The following SMC6 variants were observed in gnomAD, a reference collection of about 807,000 sequenced individuals.
SMC6 encodes structural maintenance of chromosomes 6, also known as structural maintenance of chromosomes protein 6.
Under a neutral mutation model 142.2 loss-of-function variants are expected in SMC6, and 79 were observed. The observed-to-expected ratio is 0.56, with a 90% CI of 0.46 to 0.67. The LOEUF is 0.67. Among genes scored for constraint, SMC6 ranks in the 30% least tolerant of loss-of-function variants. The pLI is 0.00. For synonymous variants in SMC6, 411 were observed against 412.4 expected (o/e 1.00, Z 0.04); for missense variants, 1,072 against 1,284.0 (o/e 0.83, Z 2.52).
rs1266757364 is a variant in SMC6 at position 17,753,775 on chromosome 2, T to G, written c.-242A>C. 2 of 152,148 alleles carry G rather than the reference T, an allele frequency of 1.3e-5. No homozygotes were observed. The highest frequency in any genetic ancestry group is 2.4e-5 in the African/African-American group (1 of 41,454). The allele number at this position is 152,148 out of a possible 1,614,324, so 9.4% of individuals were successfully genotyped here. ...CGTGCCGGCCGCAGGAGAAGGTAGA[T>G]TCCCGGGAGCCCCGGCGCCCACCGC... On this transcript the variant is annotated 5_prime_UTR_variant, in exon 1 of 28. Coordinates refer to ENST00000448223, the MANE Select transcript of SMC6 (RefSeq NM_001142286.2).
At position 17,741,738 on chromosome 2, in the gene SMC6, A is replaced by G. The variant is rs771169341; in HGVS notation, c.121-9T>C. The G allele has an allele frequency of 6.4e-7, 1 of 1,559,802 alleles. No individual in the cohort carries two copies. The highest frequency in any genetic ancestry group is 1.8e-5 in the Admixed American group (1 of 56,830). The stretch of plus-strand genomic sequence containing the variant: ...CCAACTTCTGCTGCAGTCTATTAAT[A>G]AAAAACAATGGGAGAAAATGGTCAA... On this transcript the variant is annotated splice_polypyrimidine_tract_variant and intron_variant, in intron 3 of 27. Transcript: ENST00000448223.
intron 7 of SMC6, 94 bp downstream of exon 7, chr2:17,730,984 A>G (rs1401141200): frequency 1.1e-6 from 1 of 898,060 alleles, no homozygotes; most frequent in African/African-American, 1.7e-5. Context: ...GTTTACTCAT[A>G]TGAGGCCATT....
intron 3 of SMC6, 62 bp downstream of exon 3, chr2:17,745,765 G>A (rs1670713796): frequency 1.3e-6 from 2 of 1,497,428 alleles, no homozygotes; most frequent in South Asian, 2.6e-5. Context: ...CACAGAATGT[G>A]ATATGATGAA....
intron 23 of SMC6, among the ~76,000 whole-genome samples, chr2:17,689,137 A>AAG (rs377231206): frequency 1.3e-5 from 2 of 151,262 alleles, no homozygotes; most frequent in African/African-American, 2.4e-5. Context: ...CATCATCAGT[A>AAG]AGAGAGAGAG....
chr2:17,723,452 G>A (rs545694567), intron 9 of SMC6, among the ~76,000 whole-genome samples: 8 of 152,274 alleles, frequency 5.3e-5, no homozygotes, highest in African/African-American at 1.9e-4. Context: ...TAGCCAATCT[G>A]GAATTCTTCC....
intron 11 of SMC6, 123 bp downstream of exon 11, chr2:17,720,817 A>G (rs1158762867): frequency 2.5e-6 from 2 of 806,940 alleles, no homozygotes; most frequent in African/African-American, 3.5e-5. Context: ...CACCTAAGCA[A>G]TCAATTCAAA....
chr2:17,666,260 A>G (rs1666491070), intron 27 of SMC6, among the ~76,000 whole-genome samples, 160 bp downstream of exon 27: 1 of 152,228 alleles, frequency 6.6e-6, no homozygotes, highest in Admixed American at 6.5e-5. Context: ...TAAATATCTC[A>G]AAAAGAGAAA....
At chr2:17,715,983 T>C in intron 15 of SMC6, 103 bp downstream of exon 15, 1 of 971,698 alleles carries the variant, frequency 1.0e-6, no homozygotes, top group Non-Finnish European at 1.4e-6. Flanking sequence ...AATTTCATTA[T>C]TTTAAATGAA....
chr2:17,752,984 C>A lies in SMC6; in HGVS notation c.-12G>T. ...AGAATTTTCACAGTATTACCTCAAACCCTATTGGTTCTACAACCTTTCTCT... is the reference window on the plus strand; with the variant it reads ...AGAATTTTCACAGTATTACCTCAAAACCTATTGGTTCTACAACCTTTCTCT... On this transcript the variant is annotated 5_prime_UTR_variant, in exon 2 of 28. Transcript: ENST00000448223. The A allele has an allele frequency of 3.1e-6, 3 of 982,758 alleles. No homozygotes were observed. The highest frequency in any genetic ancestry group is 3.6e-6 in the Non-Finnish European group (3 of 827,476). 60.9% of individuals were successfully genotyped at this position (982,758 alleles called of 1,614,324 possible).
chr2:17,715,203 C>T, intron 15 of SMC6, 138 bp from the exon 16 acceptor site: 2 of 782,910 alleles, frequency 2.6e-6, no homozygotes, highest in Admixed American at 5.8e-5. Flanking sequence ...ATCATTTAAT[C>T]ATAGTTTATA....
chr2:17,733,679 C>G (rs1670013629), intron 5 of SMC6, among the ~76,000 whole-genome samples: 1 of 152,134 alleles, frequency 6.6e-6, no homozygotes, highest in South Asian at 2.1e-4. Flanking sequence ...AGTTATGGAG[C>G]CTCTAGACCT....
Position 17,731,229 on chromosome 2 carries a change from G to A in SMC6, c.482-90C>T. On this transcript the variant is annotated intron_variant, in intron 6 of 27. Coordinates refer to ENST00000448223, the MANE Select transcript of SMC6 (RefSeq NM_001142286.2). ...AGTTACTTACAAAATATAAATATTA[G>A]TTAGCTTTCATTGCATCATCAAGAA... 3 of 849,142 alleles carry A rather than the reference G, an allele frequency of 3.5e-6. No homozygotes were observed. In the South Asian group the frequency reaches 4.6e-5, roughly 13 times the overall value. 52.6% of individuals were successfully genotyped at this position (849,142 alleles called of 1,614,324 possible).
At chr2:17,724,611 G>A (rs73921056) in intron 9 of SMC6, among the ~76,000 whole-genome samples, 1,911 of 152,230 alleles carry the variant, frequency 0.013, 21 homozygotes, top group East Asian at 0.031. Context: ...ACAGAAAGTT[G>A]GATCTTCAGG....
intron 15 of SMC6, among the ~76,000 whole-genome samples, 178 bp from the exon 16 acceptor site, chr2:17,715,243 G>C (rs1423276483): frequency 6.6e-6 from 1 of 152,050 alleles, no homozygotes; most frequent in Non-Finnish European, 1.5e-5. Context: ...ATATAAAGCA[G>C]TTTAAATAAT....
chr2:17,731,704 A>G, intron 6 of SMC6, 37 bp downstream of exon 6: 1 of 1,585,054 alleles, frequency 6.3e-7, no homozygotes. Flanking sequence ...GTATTTCCTA[A>G]TATTTTATAA....
Position 17,666,503 on chromosome 2 carries a change from C to T in SMC6, c.3078G>A (p.Arg1026=), listed in dbSNP as rs1666502391. The change falls in exon 27 of 28, where the codon AGG becomes AGA. Residue 1026 remains arginine (R), a synonymous_variant. Coordinates refer to ENST00000448223, the MANE Select transcript of SMC6 (RefSeq NM_001142286.2). ...EFDVYMDMVN[R]RIAMDLILKM... ...TCAGTATCAAGTCCATGGCAATTCT[C>T]CTATTAACCATATCCTGAAAAACAA... 1 of 1,613,412 alleles carries T rather than the reference C, an allele frequency of 6.2e-7. No individual in the cohort carries two copies. The highest frequency in any genetic ancestry group is 1.3e-5 in the African/African-American group (1 of 74,888).
intron 23 of SMC6, among the ~76,000 whole-genome samples, chr2:17,694,155 C>T: frequency 6.6e-6 from 1 of 152,042 alleles, no homozygotes; most frequent in Admixed American, 6.6e-5. Flanking sequence ...GAGTTGACTT[C>T]ATGGAGGTAG....
chr2:17,696,731 T>C (rs1668021617), intron 21 of SMC6, among the ~76,000 whole-genome samples: 1 of 152,150 alleles, frequency 6.6e-6, no homozygotes, highest in Non-Finnish European at 1.5e-5. Context: ...GTTAGGTATT[T>C]ACAGAGGACA....
At chr2:17,713,162 C>T (rs1487120458) in intron 16 of SMC6, among the ~76,000 whole-genome samples, 1 of 152,188 alleles carries the variant, frequency 6.6e-6, no homozygotes, top group Admixed American at 6.5e-5. Flanking sequence ...TACCTACCCA[C>T]TCTAAAAAAC....
Sources: gnomAD v4.1 joint callset for allele counts (sites outside exome capture counted in the v4.1 genomes callset) on GRCh38, gnomAD v4.1.1 for gene constraint, MANE v1.5 for transcripts, NCBI Gene and HGNC (gene_info 2026-07-23, HGNC 2026-07-21) for gene names.